USP34: variants seen among roughly 807,000 people sequenced by gnomAD.
The protein encoded by USP34 is ubiquitin specific peptidase 34.
USP34 carries 70 observed loss-of-function variants against 460.3 expected under a neutral mutation model. The observed-to-expected ratio is 0.15, with a 90% CI of 0.13 to 0.19. The LOEUF (loss-of-function observed/expected upper bound fraction) is 0.19. Ranked by LOEUF, USP34 falls within the 10% of genes least tolerant of loss-of-function variation. The pLI, the probability that USP34 is intolerant of heterozygous loss-of-function variation, is 1.00. For missense variants in USP34, 3,985 were observed against 4,236.2 expected, an observed-to-expected ratio of 0.94 and a Z score of 1.65; for synonymous variants, 1,647 against 1,405.3, an observed-to-expected ratio of 1.17 and a Z score of -3.85.
chr2:61,460,736 G>C (rs1695574093), intron 1 of USP34, among the ~76,000 whole-genome samples: 1 of 152,266 alleles, frequency 6.6e-6, no homozygotes, highest in Non-Finnish European at 1.5e-5. Flanking sequence ...TGTAATCCCA[G>C]TACTTTGGGA....
intron 18 of USP34, among the ~76,000 whole-genome samples, chr2:61,335,968 G>T (rs1392768997): frequency 6.6e-6 from 1 of 152,144 alleles, no homozygotes; most frequent in Non-Finnish European, 1.5e-5. Context: ...GGTCTTCACA[G>T]CTGAAGTTAC....
intron 76 of USP34, chr2:61,190,871 G>C (rs1184987980): frequency 4.2e-6 from 2 of 470,712 alleles, no homozygotes; most frequent in African/African-American, 3.9e-5. Flanking sequence ...TTTAGATTAA[G>C]GGAGTGCTGG....
chr2:61,275,124 T>A (rs1049845358), intron 41 of USP34, among the ~76,000 whole-genome samples: 1 of 151,806 alleles, frequency 6.6e-6, no homozygotes, highest in African/African-American at 2.4e-5. Context: ...AAAAGATTTT[T>A]AAAAATTAGC....
chr2:61,241,042 G>A (rs540978901), intron 53 of USP34, among the ~76,000 whole-genome samples: 15 of 151,758 alleles, frequency 9.9e-5, no homozygotes, highest in African/African-American at 3.6e-4. Flanking sequence ...CAACCTTTCT[G>A]CCACCTTTTT....
At chr2:61,196,569 T>G (rs1686816686) in intron 75 of USP34, among the ~76,000 whole-genome samples, 1 of 151,890 alleles carries the variant, frequency 6.6e-6, no homozygotes, top group Non-Finnish European at 1.5e-5. Flanking sequence ...CTCACTCTGT[T>G]GCCCAAAGCA....
At chr2:61,412,799 G>C (rs541211858) in intron 2 of USP34, among the ~76,000 whole-genome samples, 11 of 144,840 alleles carry the variant, frequency 7.6e-5, no homozygotes, top group South Asian at 2.2e-4. Flanking sequence ...AGAGGTGGGA[G>C]AATCACTTGA....
Position 61,321,868 on chromosome 2 carries a change from T to C in USP34, c.3014-2541A>G, listed in dbSNP as rs79921503. 9.1e-3 allele frequency among the ~76,000 whole-genome samples: 1,391 copies of C among 152,296 alleles called. 21 individuals are homozygous for C. Among genetic ancestry groups the C allele is most frequent in the African/African-American group, 0.032 (1,326 of 41,552 alleles). ...AGGTTTGAGTATTATAAATAGAGTG[T>C]ATACCATGTTCAAAGGTCATTCTCT... On this transcript the variant is annotated intron_variant, in intron 21 of 79. Transcript: ENST00000398571.
intron 8 of USP34, among the ~76,000 whole-genome samples, chr2:61,373,565 C>G (rs1435920978): frequency 6.6e-6 from 1 of 150,830 alleles, no homozygotes. Context: ...ACATTTAAAA[C>G]GAAAAAAAGG....
intron 53 of USP34, among the ~76,000 whole-genome samples, chr2:61,237,622 C>T (rs1688108007): frequency 7.7e-6 from 1 of 130,486 alleles, no homozygotes; most frequent in Non-Finnish European, 1.5e-5. Context: ...GGCTGGAGTG[C>T]AGCAGCATGA....
Position 61,190,251 on chromosome 2 carries a change from C to T in USP34, c.9873+20G>A, listed in dbSNP as rs546594058. On this transcript the variant is annotated intron_variant, in intron 78 of 79. Coordinates refer to ENST00000398571, the MANE Select transcript of USP34 (RefSeq NM_014709.4). ...AGGACAGTTTAAAAGTGTGTGCCGC[C>T]GCCTCTGCATAGTTCTTACCCCATT... is the stretch of plus-strand genomic sequence containing the variant. 36 of 1,586,894 alleles carry T rather than the reference C, an allele frequency of 2.3e-5. No homozygotes were observed. Among genetic ancestry groups the T allele is most frequent in the Admixed American group, 1.9e-4 (10 of 53,276 alleles).
chr2:61,313,958 C>G (rs1271311736), intron 25 of USP34, among the ~76,000 whole-genome samples: 1 of 151,984 alleles, frequency 6.6e-6, no homozygotes, highest in African/African-American at 2.4e-5. Context: ...TACATTTGCT[C>G]ATAATTTTTA....
At position 61,241,625 on chromosome 2, in the gene USP34, G is replaced by A. The variant is rs769491541; in HGVS notation, c.6712C>T (p.Arg2238Cys). Residue 2238 changes from arginine to cysteine, a missense_variant, in exon 53 of 80, where the codon CGC becomes TGC. Transcript: ENST00000398571. ...CCATTTTCTTCCTCTGGTTCCATGC[G>A]TTTGTAAAACAGCATATATGCACTG... ...THSAYMLFYK[R>C]MEPEEENGRE... 33 of 1,607,488 alleles carry A rather than the reference G, an allele frequency of 2.1e-5. No homozygotes were observed. Among genetic ancestry groups the A allele is most frequent in the African/African-American group, 5.4e-5 (4 of 74,256 alleles).
chr2:61,232,647 C>T (rs1381962316), intron 57 of USP34, 115 bp from the exon 58 acceptor site: 1 of 871,152 alleles, frequency 1.1e-6, no homozygotes, highest in East Asian at 2.6e-5. Context: ...TAAGTTCTTA[C>T]CAGAAAAGTT....
intron 16 of USP34, among the ~76,000 whole-genome samples, chr2:61,340,488 A>T (rs781281168): frequency 4.6e-5 from 7 of 152,212 alleles, no homozygotes; most frequent in Non-Finnish European, 1.0e-4. Flanking sequence ...AAAGATTTCC[A>T]AAGAGGCTGT....
chr2:61,314,467 T>A, intron 25 of USP34, 118 bp downstream of exon 25: 1 of 912,230 alleles, frequency 1.1e-6, no homozygotes, highest in Non-Finnish European at 1.5e-6. Context: ...TTCACTTTGG[T>A]AAATTATGCT....
At position 61,369,250 on chromosome 2, in the gene USP34, T is replaced by C. The variant is rs549777788; in HGVS notation, c.1251+1071A>G. Among the ~76,000 whole-genome samples the C allele has an allele frequency of 3.9e-5, 6 of 152,330 alleles. No homozygotes were observed. The South Asian group carries it at 1.2e-3, about 32-fold the overall frequency. ...TATTCTTTAACCTAGTAATTCTAATTCTACTTGTAAGTAAGAATTTATCAT... is the reference window on the plus strand; with the variant it reads ...TATTCTTTAACCTAGTAATTCTAATCCTACTTGTAAGTAAGAATTTATCAT... On this transcript the variant is annotated intron_variant, in intron 10 of 79. Transcript: ENST00000398571.
intron 1 of USP34, 101 bp from the exon 2 acceptor site, chr2:61,420,934 G>C: frequency 1.4e-6 from 1 of 712,902 alleles, no homozygotes; most frequent in Non-Finnish European, 2.2e-6. Flanking sequence ...AAACATTTCA[G>C]ATAATCATTC....
At chr2:61,344,449 C>T (rs1442001996) in intron 15 of USP34, among the ~76,000 whole-genome samples, 1 of 152,130 alleles carries the variant, frequency 6.6e-6, no homozygotes, top group Non-Finnish European at 1.5e-5. Context: ...AACTGGGGAA[C>T]TTCTAACCAA....
intron 41 of USP34, among the ~76,000 whole-genome samples, chr2:61,271,877 A>G (rs891965165): frequency 1.3e-5 from 2 of 152,252 alleles, no homozygotes; most frequent in African/African-American, 4.8e-5. Flanking sequence ...GGAAAAAAGT[A>G]AAAATCATTA....
Sources: gnomAD v4.1 joint callset for allele counts (sites outside exome capture counted in the v4.1 genomes callset) on GRCh38, gnomAD v4.1.1 for gene constraint, MANE v1.5 for transcripts, NCBI Gene and HGNC (gene_info 2026-07-23, HGNC 2026-07-21) for gene names.